Variants in CNTNAP2 observed in about 807,000 individuals in gnomAD.
The protein encoded by CNTNAP2 is contactin associated protein 2.
A neutral mutation model predicts 155.2 loss-of-function variants in CNTNAP2; 98 were observed. The ratio of observed to expected loss-of-function variants is 0.63; its 90% CI spans 0.54 to 0.75. The LOEUF (loss-of-function observed/expected upper bound fraction) is 0.75, where lower values mean the gene tolerates loss of function less well. Ranked by LOEUF, CNTNAP2 falls within the 30% of genes least tolerant of loss-of-function variation. The pLI, the probability that CNTNAP2 is intolerant of heterozygous loss-of-function variation, is 0.00. For missense variants in CNTNAP2, 1,727 were observed against 1,688.1 expected (o/e 1.02, Z -0.40); for synonymous variants, 651 against 631.2 (o/e 1.03, Z -0.47).
At chr7:147,872,138 C>T (rs559384070) in intron 13 of CNTNAP2, among the ~76,000 whole-genome samples, 2 of 152,252 alleles carry the variant, frequency 1.3e-5, no homozygotes, top group South Asian at 4.1e-4. Flanking sequence ...CCTGTGTGTT[C>T]CAATTTACTG....
chr7:146,849,924 A>G (rs1794839610), intron 3 of CNTNAP2, among the ~76,000 whole-genome samples: 1 of 152,176 alleles, frequency 6.6e-6, no homozygotes, highest in South Asian at 2.1e-4. Flanking sequence ...GTCATCTTGC[A>G]CAGCTTTCAG....
intron 23 of CNTNAP2, among the ~76,000 whole-genome samples, chr7:148,412,392 A>G (rs986581): frequency 0.58 from 88,990 of 152,184 alleles, 26,733 homozygotes; most frequent in African/African-American, 0.67. Flanking sequence ...CTATCTTTAC[A>G]TGGTGTATCT....
chr7:146,599,880 T>A lies in CNTNAP2; in HGVS notation c.98-174391T>A, dbSNP rs555757316. Reference sequence around the variant, plus strand: ...TGAAATACTTAAGAAATTAATTATGTACTCTATGCTTTTGATGGCATTCTG... The same window carrying A: ...TGAAATACTTAAGAAATTAATTATGAACTCTATGCTTTTGATGGCATTCTG... On this transcript the variant is annotated intron_variant, in intron 1 of 23. Transcript: ENST00000361727. Among the ~76,000 whole-genome samples the A allele has an allele frequency of 4.6e-5, 7 of 152,246 alleles. No individual in the cohort carries two copies. In the East Asian group the frequency reaches 1.3e-3, roughly 29 times the overall value.
At chr7:147,414,293 A>G (rs1797150691) in intron 10 of CNTNAP2, among the ~76,000 whole-genome samples, 1 of 151,974 alleles carries the variant, frequency 6.6e-6, no homozygotes. Flanking sequence ...GCTCTGTGGC[A>G]GGTGACTGTG....
At chr7:148,051,621 T>A (rs1346184196) in intron 15 of CNTNAP2, among the ~76,000 whole-genome samples, 10 of 152,302 alleles carry the variant, frequency 6.6e-5, no homozygotes, top group African/African-American at 9.6e-5. Context: ...TGAACGGGGA[T>A]CCTGCAGTGT....
At position 147,790,532 on chromosome 7, in the gene CNTNAP2, G is replaced by A. The variant is rs562225205; in HGVS notation, c.2099-113033G>A. 2.6e-4 allele frequency among the ~76,000 whole-genome samples: 39 copies of A among 152,228 alleles called. 1 individual carries two copies. The South Asian group carries it at 7.5e-3, about 29-fold the overall frequency. On this transcript the variant is annotated intron_variant, in intron 13 of 23. Coordinates refer to ENST00000361727, the MANE Select transcript of CNTNAP2 (RefSeq NM_014141.6). The stretch of plus-strand genomic sequence containing the variant: ...ATTGTAATAACCCTACGTTCTCTAC[G>A]CTACTCTATCCCCAAAACTCTGCTA...
At chr7:147,822,281 A>G (rs1326716246) in intron 13 of CNTNAP2, among the ~76,000 whole-genome samples, 3 of 152,210 alleles carry the variant, frequency 2.0e-5, no homozygotes, top group East Asian at 3.9e-4. Context: ...CAAGTGCTCT[A>G]TGTAACCGTA....
At chr7:147,799,896 C>A (rs1373545605) in intron 13 of CNTNAP2, among the ~76,000 whole-genome samples, 4 of 152,182 alleles carry the variant, frequency 2.6e-5, no homozygotes, top group Admixed American at 1.3e-4. Context: ...TTCCTCTCTC[C>A]TTCCTGATCT....
In CNTNAP2 at chr7:146,657,016, A is replaced by G. The variant is rs1027388934; in HGVS notation, c.98-117255A>G. Reference sequence around the variant, plus strand: ...ACTCATATGATATCACTTTGCTGCAAACAGATTAAGCTACTAATGAAGACA... The same window carrying G: ...ACTCATATGATATCACTTTGCTGCAGACAGATTAAGCTACTAATGAAGACA... On this transcript the variant is annotated intron_variant, in intron 1 of 23. Transcript: ENST00000361727. Among the ~76,000 whole-genome samples the G allele has an allele frequency of 9.9e-5, 15 of 152,140 alleles. 1 individual carries two copies. The highest frequency in any genetic ancestry group is 9.8e-4 in the Admixed American group (15 of 15,274).
intron 14 of CNTNAP2, among the ~76,000 whole-genome samples, chr7:147,910,015 A>G (rs1021043620): frequency 9.2e-5 from 14 of 152,210 alleles, no homozygotes; most frequent in African/African-American, 3.4e-4. Flanking sequence ...TTCCTGGGCC[A>G]AAAATAATCC....
At chr7:146,837,214 T>C (rs984164528) in intron 2 of CNTNAP2, among the ~76,000 whole-genome samples, 5 of 152,144 alleles carry the variant, frequency 3.3e-5, no homozygotes, top group African/African-American at 1.2e-4. Context: ...CAGTTATCAA[T>C]GTCTCACAAC....
intron 13 of CNTNAP2, among the ~76,000 whole-genome samples, chr7:147,765,550 G>C (rs2116526568): frequency 6.6e-6 from 1 of 152,248 alleles, no homozygotes; most frequent in East Asian, 1.9e-4. Context: ...ATGCATCCCA[G>C]AATGCCTAAA....
intron 15 of CNTNAP2, among the ~76,000 whole-genome samples, chr7:148,001,688 T>C (rs576467939): frequency 6.6e-6 from 1 of 152,320 alleles, no homozygotes; most frequent in East Asian, 1.9e-4. Context: ...ATGAGGATGA[T>C]TTTCTTCTTT....
chr7:147,681,962 A>T (rs547561325), intron 13 of CNTNAP2, among the ~76,000 whole-genome samples: 1 of 152,072 alleles, frequency 6.6e-6, no homozygotes, highest in Non-Finnish European at 1.5e-5. Flanking sequence ...AAGGCAGACT[A>T]GTGGAGAGAT....
intron 15 of CNTNAP2, among the ~76,000 whole-genome samples, chr7:148,105,346 C>A (rs1804184473): frequency 6.6e-6 from 1 of 152,064 alleles, no homozygotes; most frequent in African/African-American, 2.4e-5. Flanking sequence ...GGAAACAGTG[C>A]AAATAAAGCT....
In CNTNAP2 at chr7:147,486,008, G is replaced by A; in HGVS notation, c.1744G>A (p.Glu582Lys). Residue 582 changes from glutamate (E) to lysine (K), a missense_variant, in exon 11 of 24, where the codon GAG becomes AAG. Physicochemically the swap from Glu to Lys is moderately conservative, Grantham distance 56 (BLOSUM62 1). Transcript: ENST00000361727. ...GGACAGCTTCAAATGCACTTGTGAT[G>A]AGACAGGATACAGTGGGGCCACCTG... The part of the protein sequence containing the change: ...TWDSFKCTCD[E>K]TGYSGATCHN... 2 of 1,614,126 alleles carry A rather than the reference G, an allele frequency of 1.2e-6. No individual in the cohort carries two copies. The highest frequency in any genetic ancestry group is 1.7e-6 in the Non-Finnish European group (2 of 1,179,982).
At chr7:147,660,276 C>G (rs537432794) in intron 13 of CNTNAP2, among the ~76,000 whole-genome samples, 1 of 152,338 alleles carries the variant, frequency 6.6e-6, no homozygotes, top group East Asian at 1.9e-4. Flanking sequence ...AGAACCTTCT[C>G]TTCCTGCTGC....
At chr7:146,693,677 T>C (rs1800734796) in intron 1 of CNTNAP2, among the ~76,000 whole-genome samples, 1 of 152,098 alleles carries the variant, frequency 6.6e-6, no homozygotes, top group Non-Finnish European at 1.5e-5. Flanking sequence ...CAGTGCCAAA[T>C]GAAATACTGA....
At chr7:146,536,586 A>G (rs574789358) in intron 1 of CNTNAP2, among the ~76,000 whole-genome samples, 3,181 of 134,692 alleles carry the variant, frequency 0.024, 109 homozygotes, top group African/African-American at 0.082. Flanking sequence ...TGCCTCCCCC[A>G]TGTTCCCCCC....
Sources: gnomAD v4.1 joint callset for allele counts (sites outside exome capture counted in the v4.1 genomes callset) on GRCh38, gnomAD v4.1.1 for gene constraint, MANE v1.5 for transcripts, NCBI Gene and HGNC (gene_info 2026-07-23, HGNC 2026-07-21) for gene names.